HPSE2: variants seen among roughly 807,000 people sequenced by gnomAD.
The protein encoded by HPSE2 is inactive heparanase-2.
Under a neutral mutation model 60.5 loss-of-function variants are expected in HPSE2, and 38 were observed. The observed-to-expected ratio is 0.63, with a 90% CI of 0.48 to 0.82. HPSE2 has a LOEUF of 0.82. HPSE2 is among the 40% of genes least tolerant of loss of function. The probability of loss-of-function intolerance (pLI) is 0.00; values close to 1 mark genes in which losing one functional copy is unlikely to be tolerated. For missense variants in HPSE2, 713 were observed against 740.4 expected, an observed-to-expected ratio of 0.96 and a Z score of 0.43; for synonymous variants, 295 against 293.2, an observed-to-expected ratio of 1.01 and a Z score of -0.06.
At chr10:99,195,224 C>T (rs912581578) in intron 2 of HPSE2, among the ~76,000 whole-genome samples, 2 of 151,976 alleles carry the variant, frequency 1.3e-5, no homozygotes, top group African/African-American at 4.8e-5. Context: ...AAGGAATATG[C>T]CTTAACACAA....
At chr10:98,730,608 A>C (rs1258428954) in intron 4 of HPSE2, among the ~76,000 whole-genome samples, 2 of 152,160 alleles carry the variant, frequency 1.3e-5, no homozygotes, top group Non-Finnish European at 1.5e-5. Flanking sequence ...GAGAAGTCAC[A>C]GATTACCAAA....
At chr10:99,081,834 C>T (rs1332490360) in intron 3 of HPSE2, among the ~76,000 whole-genome samples, 3 of 151,992 alleles carry the variant, frequency 2.0e-5, no homozygotes, top group African/African-American at 7.3e-5. Flanking sequence ...GACAGGGTAT[C>T]ACTGTGTTAG....
chr10:99,090,553 T>C (rs530983896), intron 3 of HPSE2, among the ~76,000 whole-genome samples: 1 of 152,220 alleles, frequency 6.6e-6, no homozygotes, highest in Non-Finnish European at 1.5e-5. Flanking sequence ...AATTTAAGTA[T>C]ACATGCATAA....
At chr10:98,661,129 C>T (rs75860012) in intron 6 of HPSE2, among the ~76,000 whole-genome samples, 6,842 of 152,252 alleles carry the variant, frequency 0.045, 234 homozygotes, top group East Asian at 0.11. Flanking sequence ...CTGGGAATCA[C>T]AAGCCCGATG....
At chr10:99,033,730 C>G (rs1377668512) in intron 3 of HPSE2, among the ~76,000 whole-genome samples, 1 of 151,886 alleles carries the variant, frequency 6.6e-6, no homozygotes, top group African/African-American at 2.4e-5. Flanking sequence ...TTGCAGTAAG[C>G]CAAGATGGCG....
chr10:99,305,160 T>A, the HPSE2 span, among the ~76,000 whole-genome samples: 1 of 152,214 alleles, frequency 6.6e-6, no homozygotes, highest in South Asian at 2.1e-4. Context: ...TTGGCAGTTG[T>A]ACAGTTGTAC....
chr10:99,002,377 C>G (rs183490316), intron 3 of HPSE2, among the ~76,000 whole-genome samples: 7 of 151,964 alleles, frequency 4.6e-5, no homozygotes, highest in African/African-American at 1.7e-4. Context: ...GTATGGATAC[C>G]GAGGAAGGGT....
rs77566154 is a variant in HPSE2, at chr10:98,820,320, G to C, written c.611-76264C>G. ...AAAATCCACAAAGTTTCCAGGGAAA[G>C]ACTATAATTTACCCAGGACCATGTC... On this transcript the variant is annotated intron_variant, in intron 3 of 11. Coordinates refer to ENST00000370552, the MANE Select transcript of HPSE2 (RefSeq NM_021828.5). 3.5e-3 allele frequency among the ~76,000 whole-genome samples: 535 copies of C among 152,236 alleles called. 16 individuals carry two copies. The East Asian group carries it at 0.089, about 25-fold the overall frequency.
intron 3 of HPSE2, among the ~76,000 whole-genome samples, chr10:98,997,309 G>T (rs1454571992): frequency 6.6e-6 from 1 of 151,538 alleles, no homozygotes; most frequent in African/African-American, 2.4e-5. Context: ...ACAGAGATGG[G>T]GTTTCACCAT....
At chr10:98,995,096 A>G (rs920152783) in intron 3 of HPSE2, among the ~76,000 whole-genome samples, 1 of 152,128 alleles carries the variant, frequency 6.6e-6, no homozygotes, top group African/African-American at 2.4e-5. Flanking sequence ...AGGTGCTTCG[A>G]ACCCTCTCCT....
intron 3 of HPSE2, among the ~76,000 whole-genome samples, chr10:98,772,277 C>T (rs1044896855): frequency 3.3e-5 from 5 of 152,124 alleles, no homozygotes; most frequent in African/African-American, 4.8e-5. Flanking sequence ...GAGCAGACTA[C>T]ATGAGTGTTA....
chr10:98,900,786 C>T (rs1251600399), intron 3 of HPSE2, among the ~76,000 whole-genome samples: 1 of 152,170 alleles, frequency 6.6e-6, no homozygotes, highest in Non-Finnish European at 1.5e-5. Context: ...ATAGTACCAT[C>T]ACTTTGCAAA....
intron 3 of HPSE2, among the ~76,000 whole-genome samples, chr10:99,069,380 C>T (rs1010115548): frequency 1.4e-4 from 21 of 151,916 alleles, no homozygotes; most frequent in African/African-American, 2.9e-4. Context: ...GCTTGCAGTG[C>T]AATGCTGGAA....
intron 3 of HPSE2, among the ~76,000 whole-genome samples, chr10:99,061,999 G>A (rs191162152): frequency 6.2e-4 from 95 of 152,194 alleles, no homozygotes; most frequent in African/African-American, 2.2e-3. Flanking sequence ...CATAGAGGAG[G>A]GAGAAATGGG....
At chr10:99,114,648 C>T (rs1844600064) in intron 3 of HPSE2, among the ~76,000 whole-genome samples, 1 of 152,122 alleles carries the variant, frequency 6.6e-6, no homozygotes, top group African/African-American at 2.4e-5. Context: ...GGTGCGGTGG[C>T]TCATGCCTGT....
At chr10:98,880,247 A>G (rs1952986516) in intron 3 of HPSE2, among the ~76,000 whole-genome samples, 1 of 152,052 alleles carries the variant, frequency 6.6e-6, no homozygotes, top group African/African-American at 2.4e-5. Context: ...ACACAAAATA[A>G]TCATCAGTTA....
chr10:99,147,798 G>A (rs140671614), intron 2 of HPSE2, among the ~76,000 whole-genome samples: 56 of 152,192 alleles, frequency 3.7e-4, no homozygotes, highest in African/African-American at 1.2e-3. Flanking sequence ...ACTTATCAAA[G>A]AAGCACATGG....
Position 98,620,732 on chromosome 10 carries a change from G to A in HPSE2, c.1099-24C>T, listed in dbSNP as rs1206720789. ...ACCTGTTTACACAACAAAAGCAGAAGGGGATAACGAGGTTTTAAAAGCTAT... is the reference window on the plus strand; with the variant it reads ...ACCTGTTTACACAACAAAAGCAGAAAGGGATAACGAGGTTTTAAAAGCTAT... On this transcript the variant is annotated intron_variant, in intron 7 of 11. Coordinates refer to ENST00000370552, the MANE Select transcript of HPSE2 (RefSeq NM_021828.5). 3 of 1,511,998 alleles carry A rather than the reference G, an allele frequency of 2.0e-6. No homozygotes were observed. The Admixed American group carries it at 5.1e-5, about 26-fold the overall frequency. 93.7% of individuals were successfully genotyped at this position (1,511,998 alleles called of 1,614,324 possible). A position where few individuals can be genotyped will look rare whatever the true frequency, so the allele number is the denominator to read the frequency against.
Position 99,036,049 on chromosome 10 carries a change from A to T in HPSE2, c.610+108189T>A, listed in dbSNP as rs1376574258. On this transcript the variant is annotated intron_variant, in intron 3 of 11. Transcript: ENST00000370552. ...AACAAAGCAAGACCCTGTTCCTACA[A>T]AAAAAAAATTTTTTTTTAAACTAGG... 2.0e-5 allele frequency among the ~76,000 whole-genome samples: 3 copies of T among 151,380 alleles called. No individual in the cohort carries two copies. The East Asian group carries it at 5.8e-4, about 29-fold the overall frequency.
Sources: allele counts gnomAD v4.1 joint callset (sites outside exome capture counted in the v4.1 genomes callset), GRCh38; gene constraint gnomAD v4.1.1; transcripts MANE v1.5; gene names NCBI Gene and HGNC (gene_info 2026-07-23, HGNC 2026-07-21).